Variants in IPO11 observed in about 807,000 individuals in gnomAD.
IPO11 encodes importin 11.
A neutral mutation model predicts 143.2 loss-of-function variants in IPO11; 66 were observed. The observed-to-expected ratio is 0.46, with a 90% CI of 0.38 to 0.57. The LOEUF is 0.57. IPO11 is among the 20% of genes least tolerant of loss of function. The pLI is 0.00. For synonymous variants in IPO11, 385 were observed against 377.8 expected (o/e 1.02, Z -0.22); for missense variants, 1,026 against 1,141.0 (o/e 0.90, Z 1.45).
intron 20 of IPO11, among the ~76,000 whole-genome samples, chr5:62,516,948 C>T (rs1742044600): frequency 6.6e-6 from 1 of 151,394 alleles, no homozygotes; most frequent in Non-Finnish European, 1.5e-5. Context: ...CCTGTAATCC[C>T]AGCACTTTGG....
intron 27 of IPO11, chr5:62,580,923 C>A: frequency 6.4e-7 from 1 of 1,551,138 alleles, no homozygotes; most frequent in East Asian, 2.4e-5. Context: ...TTACCTTGAA[C>A]TTGGAAAAAA....
At chr5:62,434,048 T>C (rs937678011) in intron 1 of IPO11, among the ~76,000 whole-genome samples, 1 of 152,198 alleles carries the variant, frequency 6.6e-6, no homozygotes, top group African/African-American at 2.4e-5. Flanking sequence ...TTTGCCCCAT[T>C]TGTTCCTGCC....
At chr5:62,598,734 G>A (rs1339826203) in intron 28 of IPO11, among the ~76,000 whole-genome samples, 1 of 150,732 alleles carries the variant, frequency 6.6e-6, no homozygotes, top group Non-Finnish European at 1.5e-5. Context: ...TAGTAGAAAT[G>A]GGGTTTCACT....
intron 19 of IPO11, 150 bp from the exon 20 acceptor site, chr5:62,515,238 A>G: frequency 2.4e-6 from 1 of 414,694 alleles, no homozygotes; most frequent in Non-Finnish European, 4.3e-6. Context: ...GTCTAATTTT[A>G]TTTCTTAAGG....
chr5:62,523,333 A>G (rs975711034), intron 20 of IPO11, among the ~76,000 whole-genome samples: 2 of 152,146 alleles, frequency 1.3e-5, no homozygotes, highest in Admixed American at 1.3e-4. Context: ...AACACTGTGC[A>G]TTATTTGGTA....
At chr5:62,598,444 C>T (rs1442755477) in intron 28 of IPO11, among the ~76,000 whole-genome samples, 2 of 2,200 alleles carry the variant, frequency 9.1e-4, no homozygotes, top group Admixed American at 7.7e-3. Context: ...CTCTCTCTCT[C>T]TCTCTCTCTC....
rs145786230 is a variant in IPO11 at position 62,569,118 on chromosome 5, C to T, written c.2582+7861C>T. Among the ~76,000 whole-genome samples the T allele has an allele frequency of 1.9e-4, 29 of 151,880 alleles. No homozygotes were observed. In the East Asian group the frequency reaches 5.6e-3, roughly 29 times the overall value. Reference sequence around the variant, plus strand: ...TTACTGTTTGGAGTTGGACCCAGTACTGTGATTTATTGTGGGTGGCGGGGA... The same window carrying T: ...TTACTGTTTGGAGTTGGACCCAGTATTGTGATTTATTGTGGGTGGCGGGGA... On this transcript the variant is annotated intron_variant, in intron 27 of 29. Coordinates refer to ENST00000325324, the MANE Select transcript of IPO11 (RefSeq NM_016338.5).
chr5:62,484,148 A>G lies in IPO11; in HGVS notation c.1160A>G (p.Asp387Gly), dbSNP rs767057673. The change falls in exon 11 of 30, where the codon GAC becomes GGC. Residue 387 changes from aspartate (D) to glycine (G), a missense_variant. By Grantham distance (94) the Asp-to-Gly change is moderately conservative. Transcript: ENST00000325324. ...GAAGAACTGACAATGTGGGAAGAAG[A>G]CCCAGAAGGCTTTAGTAAGAATTAA... ...TEEELTMWEE[D>G]PEGFTVEETG... The G allele has an allele frequency of 6.9e-6, 11 of 1,596,746 alleles. No individual in the cohort carries two copies. Among genetic ancestry groups the G allele is most frequent in the African/African-American group, 1.4e-5 (1 of 73,662 alleles).
At chr5:62,571,860 A>G (rs187539966) in intron 27 of IPO11, among the ~76,000 whole-genome samples, 335 of 151,940 alleles carry the variant, frequency 2.2e-3, no homozygotes, top group African/African-American at 7.6e-3. Context: ...TCATTTTTGT[A>G]TTTTTAGTAG....
intron 1 of IPO11, among the ~76,000 whole-genome samples, chr5:62,421,172 A>G (rs946845017): frequency 6.6e-6 from 1 of 152,134 alleles, no homozygotes; most frequent in African/African-American, 2.4e-5. Flanking sequence ...TCTTTTCTAT[A>G]TATTTTCTGC....
chr5:62,418,140 A>G (rs114474543), intron 1 of IPO11, among the ~76,000 whole-genome samples: 2,163 of 149,524 alleles, frequency 0.014, 28 homozygotes, highest in Non-Finnish European at 0.024. Flanking sequence ...ACAGGCATGC[A>G]CTACCATGCC....
intron 27 of IPO11, among the ~76,000 whole-genome samples, chr5:62,575,520 ATCTC>A (rs1408418925): frequency 6.6e-6 from 1 of 151,612 alleles, no homozygotes; most frequent in Non-Finnish European, 1.5e-5. Context: ...ACTCCTTATA[ATCTC>A]TCTCCATCTT....
intron 2 of IPO11, among the ~76,000 whole-genome samples, chr5:62,440,074 A>G (rs1744410847): frequency 6.6e-6 from 1 of 152,174 alleles, no homozygotes; most frequent in Non-Finnish European, 1.5e-5. Context: ...AAAGTTAGGA[A>G]GTTTCTGCTT....
rs1409145135 is a variant in IPO11 at position 62,598,415 on chromosome 5, T to G, written c.2679-3349T>G. Among the ~76,000 whole-genome samples, 11 of 14,268 alleles carry G rather than the reference T, an allele frequency of 7.7e-4. 1 individual carries two copies. In the East Asian group the frequency reaches 0.023, roughly 30 times the overall value. The allele number at this position is 14,268 out of a possible 152,430, so 9.4% of individuals were successfully genotyped here. ...TGCTTTCTTTCTTTCTTTCTTTCTT[T>G]CTTTCTTTCTTTCTTTCTCTCTCTC... On this transcript the variant is annotated intron_variant, in intron 28 of 29. Coordinates refer to ENST00000325324, the MANE Select transcript of IPO11 (RefSeq NM_016338.5).
At chr5:62,469,263 G>C (rs890256323) in intron 6 of IPO11, among the ~76,000 whole-genome samples, 8 of 152,130 alleles carry the variant, frequency 5.3e-5, no homozygotes, top group African/African-American at 1.9e-4. Context: ...TTACGAAAAC[G>C]AGGAAAACTT....
intron 3 of IPO11, among the ~76,000 whole-genome samples, chr5:62,444,373 TG>T (rs1215478672): frequency 2.6e-5 from 4 of 152,022 alleles, no homozygotes. Context: ...ATTGCAGGTG[TG>T]AGCCACTGTG....
At chr5:62,548,424 T>C (rs753980853) in intron 24 of IPO11, among the ~76,000 whole-genome samples, 23 of 152,070 alleles carry the variant, frequency 1.5e-4, no homozygotes, top group Non-Finnish European at 3.1e-4. Flanking sequence ...CCTGTTGTTA[T>C]GAAATTTTAG....
At chr5:62,444,834 A>T (rs1490760488) in intron 3 of IPO11, among the ~76,000 whole-genome samples, 1 of 151,860 alleles carries the variant, frequency 6.6e-6, no homozygotes, top group Non-Finnish European at 1.5e-5. Context: ...GTGCCACTGC[A>T]CTCCAGCCTG....
chr5:62,602,192 A>G (rs1314934602), intron 29 of IPO11, among the ~76,000 whole-genome samples: 1 of 152,064 alleles, frequency 6.6e-6, no homozygotes, highest in Non-Finnish European at 1.5e-5. Flanking sequence ...TGCATTCCCT[A>G]TTATTTTATA....
Sources: gnomAD v4.1 joint callset for allele counts (sites outside exome capture counted in the v4.1 genomes callset) on GRCh38, gnomAD v4.1.1 for gene constraint, MANE v1.5 for transcripts, NCBI Gene and HGNC (gene_info 2026-07-23, HGNC 2026-07-21) for gene names.